The following SGSM1 variants were observed in gnomAD, a reference collection of about 807,000 sequenced individuals.
SGSM1 encodes the protein RUN and TBC1 domain containing 2.
A neutral mutation model predicts 133.8 loss-of-function variants in SGSM1; 73 were observed. The observed-to-expected ratio is 0.55, with a 90% CI of 0.45 to 0.66. The LOEUF (loss-of-function observed/expected upper bound fraction) is 0.66, where lower values mean the gene tolerates loss of function less well. SGSM1 is among the 30% of genes least tolerant of loss of function. The pLI, the probability that SGSM1 is intolerant of heterozygous loss-of-function variation, is 0.00. For synonymous variants in SGSM1, 563 were observed against 573.0 expected, an observed-to-expected ratio of 0.98 and a Z score of 0.25; for missense variants, 1,213 against 1,448.1, an observed-to-expected ratio of 0.84 and a Z score of 2.64.
At chr22:24,885,719 G>T (rs895049618) in intron 15 of SGSM1, among the ~76,000 whole-genome samples, 5 of 152,180 alleles carry the variant, frequency 3.3e-5, no homozygotes, top group Admixed American at 3.3e-4. Context: ...ACTACGCCCA[G>T]CTGAACACCT....
chr22:24,919,696 A>T, intron 23 of SGSM1, 130 bp from the exon 24 acceptor site: 1 of 927,070 alleles, frequency 1.1e-6, no homozygotes, highest in Non-Finnish European at 1.6e-6. Context: ...AGTTCTATCC[A>T]CTGCACCAGG....
intron 2 of SGSM1, among the ~76,000 whole-genome samples, chr22:24,825,069 G>A (rs1175549325): frequency 6.6e-6 from 1 of 152,200 alleles, no homozygotes; most frequent in Non-Finnish European, 1.5e-5. Flanking sequence ...TCCCAGCTTA[G>A]GGGATGGGGA....
intron 16 of SGSM1, among the ~76,000 whole-genome samples, chr22:24,888,555 G>A (rs1932740420): frequency 6.6e-6 from 1 of 152,084 alleles, no homozygotes; most frequent in Non-Finnish European, 1.5e-5. Flanking sequence ...ATCACCTGAG[G>A]TCAGGAGTTC....
At chr22:24,924,077 A>T in intron 24 of SGSM1, 109 bp from the exon 25 acceptor site, 1 of 933,422 alleles carries the variant, frequency 1.1e-6, no homozygotes, top group Non-Finnish European at 1.7e-6. Context: ...CTGCTTCCTG[A>T]GTCAATCTGT....
In SGSM1 at chr22:24,873,298, G is replaced by A. The variant is rs149081342; in HGVS notation, c.1292-3279G>A. On this transcript the variant is annotated intron_variant, in intron 12 of 24. Coordinates refer to ENST00000400358, the MANE Select transcript of SGSM1 (RefSeq NM_001098497.3). The stretch of plus-strand genomic sequence containing the variant: ...TTCTATTGGGTAATGCTGGTCTAGC[G>A]TGGGGTTTCTCAGCCTCAGCACTGT... 1.2e-3 allele frequency among the ~76,000 whole-genome samples: 182 copies of A among 152,174 alleles called. 1 individual carries two copies. Among genetic ancestry groups the A allele is most frequent in the African/African-American group, 3.9e-3 (162 of 41,524 alleles).
intron 23 of SGSM1, among the ~76,000 whole-genome samples, chr22:24,918,354 G>A (rs1322645775): frequency 2.0e-5 from 3 of 151,880 alleles, no homozygotes; most frequent in Admixed American, 6.6e-5. Context: ...AAATTGGCCG[G>A]GCATGGTGGC....
In SGSM1 at chr22:24,868,779, A is replaced by C; in HGVS notation, c.1215A>C (p.Thr405=). ...KRSPQGSAES[T]SSDKDDDEAT... ...GCCCTCAGGGTTCTGCCGAGTCCAC[A>C]TCTTCAGACAAAGATGATGATGAGG... The change falls in exon 12 of 25, where the codon ACA becomes ACC. Residue 405 remains threonine, a synonymous_variant. Coordinates refer to ENST00000400358, the MANE Select transcript of SGSM1 (RefSeq NM_001098497.3). 6.2e-7 allele frequency: 1 copy of C among 1,614,048 alleles called. No homozygotes were observed. The highest frequency in any genetic ancestry group is 8.5e-7 in the Non-Finnish European group (1 of 1,179,894).
At position 24,900,117 on chromosome 22, in the gene SGSM1, A is replaced by C. The variant is rs928444075; in HGVS notation, c.2610+1558A>C. Among the ~76,000 whole-genome samples, 3 of 151,578 alleles carry C rather than the reference A, an allele frequency of 2.0e-5. No homozygotes were observed. In the East Asian group the frequency reaches 5.8e-4, roughly 29 times the overall value. ...CTGCAGCCTTCACCTCCTGGGCTCA[A>C]GCAATCCTTCCTCCCACCTCAGCCC... On this transcript the variant is annotated intron_variant, in intron 19 of 24. Coordinates refer to ENST00000400358, the MANE Select transcript of SGSM1 (RefSeq NM_001098497.3).
At chr22:24,902,160 T>C (rs1933190122) in intron 20 of SGSM1, among the ~76,000 whole-genome samples, 2 of 152,214 alleles carry the variant, frequency 1.3e-5, no homozygotes, top group African/African-American at 4.8e-5. Flanking sequence ...GCCACTGTCC[T>C]GAGGCCTGTA....
At chr22:24,862,782 A>G (rs1931225266) in intron 9 of SGSM1, among the ~76,000 whole-genome samples, 1 of 152,240 alleles carries the variant, frequency 6.6e-6, no homozygotes, top group Admixed American at 6.5e-5. Context: ...CCTTTGCTCC[A>G]CTGTCACCTT....
chr22:24,814,219 C>G (rs1163558276), intron 2 of SGSM1: 1 of 151,776 alleles, frequency 6.6e-6, no homozygotes, highest in Non-Finnish European at 1.5e-5. Context: ...TCAGTTCACT[C>G]AAGGAAAACC....
At chr22:24,862,906 G>T (rs1222362533) in intron 9 of SGSM1, among the ~76,000 whole-genome samples, 1 of 151,968 alleles carries the variant, frequency 6.6e-6, no homozygotes, top group East Asian at 1.9e-4. Context: ...CATTCCCAGG[G>T]GTCTGCAGGG....
rs574293619 is a variant in SGSM1 at position 24,898,281 on chromosome 22, G to T, written c.2332G>T (p.Val778Leu). The change falls in exon 19 of 25, where the codon GTG (valine) becomes TTG (leucine). Residue 778 changes from valine (V) to leucine (L), a missense_variant. Val to Leu is a conservative substitution (Grantham distance 32). Transcript: ENST00000400358. ...TGAGGCTCCCCGGGAGGAGCTGGCC[G>T]TGCAGGACAGCCTGGAGAGTGACCT... is the stretch of plus-strand genomic sequence containing the variant. Reference protein sequence around the residue: ...QDEAPREELAVQDSLESDLLA... With the variant: ...QDEAPREELALQDSLESDLLA... 1.2e-6 allele frequency: 2 copies of T among 1,613,906 alleles called. No homozygotes were observed. Among genetic ancestry groups the T allele is most frequent in the South Asian group, 1.1e-5 (1 of 91,078 alleles).
chr22:24,891,147 C>T (rs1359504895), intron 16 of SGSM1, among the ~76,000 whole-genome samples: 3 of 152,098 alleles, frequency 2.0e-5, no homozygotes, highest in Non-Finnish European at 4.4e-5. Context: ...TTGCTTGAGG[C>T]CAGGAGTTCA....
intron 16 of SGSM1, among the ~76,000 whole-genome samples, chr22:24,893,198 G>C (rs1357706201): frequency 3.3e-5 from 5 of 152,208 alleles, no homozygotes; most frequent in Non-Finnish European, 1.5e-5. Context: ...ATATATGTAT[G>C]CATGAATGAA....
chr22:24,874,477 C>A, intron 12 of SGSM1: 1 of 1,613,728 alleles, frequency 6.2e-7, no homozygotes. Context: ...GATGATGGTT[C>A]CTGCAGGCCG....
At chr22:24,862,899 T>C (rs1931234595) in intron 9 of SGSM1, among the ~76,000 whole-genome samples, 1 of 148,796 alleles carries the variant, frequency 6.7e-6, no homozygotes, top group Non-Finnish European at 1.5e-5. Context: ...CTCAAGGCAT[T>C]CCCAGGGGTC....
chr22:24,879,340 A>G (rs997249741), intron 13 of SGSM1, 122 bp from the exon 14 acceptor site: 10 of 844,486 alleles, frequency 1.2e-5, no homozygotes, highest in Admixed American at 2.2e-5. Flanking sequence ...AGCCCTCCCT[A>G]CAGTCTCCCT....
At chr22:24,850,706 C>A (rs777862848) in intron 5 of SGSM1, among the ~76,000 whole-genome samples, 7 of 152,156 alleles carry the variant, frequency 4.6e-5, no homozygotes, top group Non-Finnish European at 7.3e-5. Flanking sequence ...AATCGCTTAG[C>A]CTCTCTGTGC....
Sources: allele counts gnomAD v4.1 joint callset (sites outside exome capture counted in the v4.1 genomes callset), GRCh38; gene constraint gnomAD v4.1.1; transcripts MANE v1.5; gene names NCBI Gene and HGNC (gene_info 2026-07-23, HGNC 2026-07-21).